ARHGAP8: variants seen among roughly 807,000 people sequenced by gnomAD.
ARHGAP8 encodes Rho GTPase activating protein 8.
A neutral mutation model predicts 46.1 loss-of-function variants in ARHGAP8; 62 were observed. The observed-to-expected ratio is 1.34, with a 90% CI of 1.10 to 1.66. The LOEUF is 1.66. Among genes scored for constraint, ARHGAP8 ranks in the 40% most tolerant of loss-of-function variants. The pLI, the probability that ARHGAP8 is intolerant of heterozygous loss-of-function variation, is 0.00. For missense variants in ARHGAP8, 923 were observed against 568.4 expected (o/e 1.62, Z -6.34); for synonymous variants, 375 against 243.1 (o/e 1.54, Z -5.05).
intron 1 of ARHGAP8, among the ~76,000 whole-genome samples, chr22:44,777,831 G>A (rs1226230135): frequency 6.6e-6 from 1 of 152,008 alleles, no homozygotes; most frequent in African/African-American, 2.4e-5. Context: ...AAGTAGCTGG[G>A]ATTACAGGTG....
At chr22:44,786,382 A>G in intron 1 of ARHGAP8, 75 bp from the exon 2 acceptor site, 2 of 1,512,316 alleles carry the variant, frequency 1.3e-6, no homozygotes, top group Non-Finnish European at 1.8e-6. Flanking sequence ...TGTCTTATGA[A>G]AGGCATCAGG....
intron 7 of ARHGAP8, among the ~76,000 whole-genome samples, chr22:44,828,403 C>G (rs1199825970): frequency 6.6e-6 from 1 of 150,778 alleles, no homozygotes; most frequent in African/African-American, 2.4e-5. Flanking sequence ...AGCCCTTGAC[C>G]AGGCTCAGCC....
At position 44,825,545 on chromosome 22, in the gene ARHGAP8, C is replaced by T. The variant is rs376772948; in HGVS notation, c.548C>T (p.Pro183Leu). ...ACGCCGCCTCCCACCAAGACACCACCGCCGCGGCCCCCGCTGCCCACACAG... is the reference window on the plus strand; with the variant it reads ...ACGCCGCCTCCCACCAAGACACCACTGCCGCGGCCCCCGCTGCCCACACAG... Reference protein sequence around the residue: ...GRTPPPTKTPPPRPPLPTQQF... With the variant: ...GRTPPPTKTPLPRPPLPTQQF... Residue 183 changes from proline to leucine, a missense_variant, in exon 7 of 12, where the codon CCG (proline) becomes CTG (leucine). Transcript: ENST00000356099. 104 of 1,613,348 alleles carry T rather than the reference C, an allele frequency of 6.4e-5. No individual in the cohort carries two copies. The highest frequency in any genetic ancestry group is 3.8e-4 in the East Asian group (17 of 44,836).
At chr22:44,840,410 A>C (rs557002313) in intron 7 of ARHGAP8, among the ~76,000 whole-genome samples, 1 of 145,408 alleles carries the variant, frequency 6.9e-6, no homozygotes, top group Non-Finnish European at 1.5e-5. Flanking sequence ...ACAGCACACC[A>C]CTCTGGCCCA....
At chr22:44,799,165 T>G (rs1411082451) in intron 2 of ARHGAP8, among the ~76,000 whole-genome samples, 1 of 152,154 alleles carries the variant, frequency 6.6e-6, no homozygotes, top group African/African-American at 2.4e-5. Context: ...GTGCTGGGCC[T>G]GGAACCTTGG....
chr22:44,770,542 A>G (rs958064954), intron 1 of ARHGAP8, among the ~76,000 whole-genome samples: 2 of 151,884 alleles, frequency 1.3e-5, no homozygotes, highest in Non-Finnish European at 2.9e-5. Context: ...AGTAGCTGGG[A>G]TTACAGGTGT....
intron 1 of ARHGAP8, among the ~76,000 whole-genome samples, chr22:44,777,671 G>A (rs1926520722): frequency 6.6e-6 from 1 of 151,772 alleles, no homozygotes; most frequent in Admixed American, 6.6e-5. Context: ...CCACCCAGTG[G>A]TGATTGTTTT....
chr22:44,836,233 T>C (rs144180137), intron 7 of ARHGAP8, among the ~76,000 whole-genome samples: 39 of 152,178 alleles, frequency 2.6e-4, no homozygotes, highest in East Asian at 7.7e-4. Flanking sequence ...TACCTTTTTT[T>C]TTTCTTTCTT....
chr22:44,827,272 A>G (rs546779560), intron 7 of ARHGAP8, among the ~76,000 whole-genome samples: 1 of 149,820 alleles, frequency 6.7e-6, no homozygotes, highest in African/African-American at 2.5e-5. Flanking sequence ...GAACACAGTC[A>G]GGTCAACCCC....
intron 1 of ARHGAP8, among the ~76,000 whole-genome samples, chr22:44,783,199 C>G (rs5015416): frequency 0.88 from 134,027 of 152,108 alleles, 59,289 homozygotes; most frequent in Non-Finnish European, 0.93. Context: ...GTCCTCCCCA[C>G]GTTCAAGGTT....
intron 10 of ARHGAP8, among the ~76,000 whole-genome samples, chr22:44,851,744 G>C (rs907268495): frequency 1.3e-5 from 2 of 152,096 alleles, no homozygotes; most frequent in Non-Finnish European, 2.9e-5. Context: ...GGAGGCTGAG[G>C]TGGGAGATCA....
chr22:44,795,241 A>G (rs1016810970), intron 2 of ARHGAP8, among the ~76,000 whole-genome samples: 1 of 152,104 alleles, frequency 6.6e-6, no homozygotes, highest in African/African-American at 2.4e-5. Context: ...ACTGTATGCA[A>G]GCAGGATGCT....
At chr22:44,825,874 G>T (rs1184330682) in intron 7 of ARHGAP8, among the ~76,000 whole-genome samples, 8 of 131,458 alleles carry the variant, frequency 6.1e-5, no homozygotes, top group Non-Finnish European at 9.7e-5. Context: ...TGCCTGGTTG[G>T]GGGGCGCGTG....
At chr22:44,789,162 T>G (rs566200680) in intron 2 of ARHGAP8, among the ~76,000 whole-genome samples, 1 of 152,308 alleles carries the variant, frequency 6.6e-6, no homozygotes, top group African/African-American at 2.4e-5. Flanking sequence ...TGTTTTTTGT[T>G]TTTTTGGAAT....
intron 6 of ARHGAP8, among the ~76,000 whole-genome samples, chr22:44,824,436 C>T (rs886649109): frequency 6.6e-6 from 1 of 152,116 alleles, no homozygotes; most frequent in African/African-American, 2.4e-5. Context: ...GGTGCCTAAC[C>T]CTGCACCATC....
intron 10 of ARHGAP8, among the ~76,000 whole-genome samples, chr22:44,854,361 G>T (rs949457466): frequency 4.0e-5 from 6 of 149,422 alleles, no homozygotes; most frequent in African/African-American, 1.2e-4. Context: ...CTCAGCCTCC[G>T]GAGTAGCTGG....
At chr22:44,790,676 CAAAAAAAAA>C (rs369579126) in intron 2 of ARHGAP8, among the ~76,000 whole-genome samples, 4 of 49,606 alleles carry the variant, frequency 8.1e-5, no homozygotes, top group African/African-American at 2.9e-4. Context: ...AACTCTGTCT[CAAAAAAAAA>C]AAAAAAAAAA....
chr22:44,764,889 G>T (rs1233368794), intron 1 of ARHGAP8, among the ~76,000 whole-genome samples: 2 of 152,240 alleles, frequency 1.3e-5, no homozygotes, highest in African/African-American at 4.8e-5. Context: ...GGCTCCCGGG[G>T]CTCACCCTGG....
chr22:44,855,759 AAAAG>A (rs1214795244), intron 10 of ARHGAP8, among the ~76,000 whole-genome samples: 1 of 152,206 alleles, frequency 6.6e-6, no homozygotes, highest in Non-Finnish European at 1.5e-5. Context: ...ACAGATAGCC[AAAAG>A]AAAGACAAGC....
Sources: allele counts gnomAD v4.1 joint callset (sites outside exome capture counted in the v4.1 genomes callset), GRCh38; gene constraint gnomAD v4.1.1; transcripts MANE v1.5; gene names NCBI Gene and HGNC (gene_info 2026-07-23, HGNC 2026-07-21).